The following SNED1 variants were observed in gnomAD, a reference collection of about 807,000 sequenced individuals.
SNED1 encodes the protein sushi, nidogen and EGF like domains 1.
A neutral mutation model predicts 166.7 loss-of-function variants in SNED1; 81 were observed. The ratio of observed to expected loss-of-function variants is 0.49; its 90% CI spans 0.41 to 0.58. The LOEUF (loss-of-function observed/expected upper bound fraction) is 0.58. SNED1 is among the 20% of genes least tolerant of loss of function. The pLI is 0.00. For synonymous variants in SNED1, 762 were observed against 822.0 expected (o/e 0.93, Z 1.25); for missense variants, 1,604 against 2,000.2 (o/e 0.80, Z 3.78).
At chr2:241,065,173 G>T (rs1157130861) in intron 20 of SNED1, 126 bp from the exon 21 acceptor site, 1 of 1,011,664 alleles carries the variant, frequency 9.9e-7, no homozygotes, top group Non-Finnish European at 1.4e-6. Flanking sequence ...GGACAAAGAA[G>T]GACTCTGCCA....
intron 16 of SNED1, among the ~76,000 whole-genome samples, chr2:241,061,069 A>G (rs2062215913): frequency 6.6e-6 from 1 of 152,228 alleles, no homozygotes; most frequent in Admixed American, 6.5e-5. Flanking sequence ...TGACCATATG[A>G]AAATTAGAAC....
chr2:241,001,664 ATGC>A (rs1447696589), intron 1 of SNED1, among the ~76,000 whole-genome samples: 1 of 152,204 alleles, frequency 6.6e-6, no homozygotes, highest in Non-Finnish European at 1.5e-5. Flanking sequence ...TGTGGGGCTT[ATGC>A]AGGTGGAGTG....
At chr2:241,011,483 A>T (rs2060401001) in intron 1 of SNED1, among the ~76,000 whole-genome samples, 1 of 152,170 alleles carries the variant, frequency 6.6e-6, no homozygotes, top group Non-Finnish European at 1.5e-5. Flanking sequence ...CGAAGTCAGG[A>T]CGAGGGACTA....
Position 241,073,503 on chromosome 2 carries a change from C to T in SNED1, c.3916+139C>T. 8.3e-6 allele frequency: 6 copies of T among 726,628 alleles called. 1 individual carries two copies. The South Asian group carries it at 9.6e-5, about 12-fold the overall frequency. 45.0% of individuals were successfully genotyped at this position (726,628 alleles called of 1,614,324 possible). On this transcript the variant is annotated intron_variant, in intron 27 of 31. Transcript: ENST00000310397. The surrounding 1 kb of genome is among the most constrained non-coding windows in gnomAD (Gnocchi z 6.6). The stretch of plus-strand genomic sequence containing the variant: ...ACCTGAGGGGAGGCTGAGCACCAGG[C>T]ACCCCGGTGTGGGAAGATGGGGTGA...
chr2:241,072,167 CTG>C, intron 26 of SNED1: 1 of 657,500 alleles, frequency 1.5e-6, no homozygotes, highest in Non-Finnish European at 2.8e-6. Context: ...AGAAGCAGGT[CTG>C]AGACATTACA....
At position 241,053,218 on chromosome 2, in the gene SNED1, G is replaced by C; in HGVS notation, c.2149G>C (p.Gly717Arg). Residue 717 changes from glycine (G) to arginine (R), a missense_variant, in exon 16 of 32, where the codon GGC (glycine) becomes CGC (arginine). Coordinates refer to ENST00000310397, the MANE Select transcript of SNED1 (RefSeq NM_001080437.3). ...ATLRFNGTRL[G>R]AVALYACDRG... ...ACTGCGCTTCAACGGCACGCGGCTG[G>C]GCGCGGTGGCCCTGTATGCATGTGA... The C allele has an allele frequency of 1.2e-6, 2 of 1,609,514 alleles. No homozygotes were observed. The highest frequency in any genetic ancestry group is 1.7e-6 in the Non-Finnish European group (2 of 1,179,422).
At chr2:241,009,819 G>A (rs573774821) in intron 1 of SNED1, among the ~76,000 whole-genome samples, 67 of 125,916 alleles carry the variant, frequency 5.3e-4, no homozygotes, top group Admixed American at 3.9e-3. Flanking sequence ...CCCCGGAGGC[G>A]TCCCATGTGT....
Position 241,078,297 on chromosome 2 carries a change from C to G in SNED1, c.3917-3380C>G, listed in dbSNP as rs551869817. ...CCTCAGGAGGCTGAGGCAGGAGAAT[C>G]GCTTGAACCCGGGAGGTGGAGTTTG... On this transcript the variant is annotated intron_variant, in intron 27 of 31. Transcript: ENST00000310397. 7.5e-4 allele frequency among the ~76,000 whole-genome samples: 113 copies of G among 150,572 alleles called. 1 individual carries two copies. The Middle Eastern group carries it at 0.034, about 46-fold the overall frequency.
At chr2:241,035,414 G>C (rs959967980) in intron 4 of SNED1, 1 of 152,348 alleles carries the variant, frequency 6.6e-6, no homozygotes, top group Admixed American at 6.5e-5. Context: ...CAGAGCCATA[G>C]ATGGTAGCCT....
In SNED1 at chr2:241,082,317, C is replaced by T. The variant is rs558175262; in HGVS notation, c.4074C>T (p.Ser1358=). The change falls in exon 29 of 32, where the codon TCC becomes TCT. Residue 1358 remains serine (S), a synonymous_variant. Coordinates refer to ENST00000310397, the MANE Select transcript of SNED1 (RefSeq NM_001080437.3). ...KVSRPCTRLF[S]ETKAFPVWEG... is the part of the protein sequence containing the mutation. ...CCCGCCCCTGCACAAGGCTGTTCTC[C>T]GAGACAAAGGCCTTTCCAGTCTGGG... 23 of 1,613,488 alleles carry T rather than the reference C, an allele frequency of 1.4e-5. No homozygotes were observed. Among genetic ancestry groups the T allele is most frequent in the African/African-American group, 5.3e-5 (4 of 74,906 alleles).
intron 16 of SNED1, among the ~76,000 whole-genome samples, chr2:241,055,668 A>G (rs577974050): frequency 1.5e-4 from 23 of 152,288 alleles, no homozygotes; most frequent in Middle Eastern, 3.4e-3. Context: ...GGCAAGCACA[A>G]TGGATTGAAA....
In SNED1 at chr2:241,094,806, T is replaced by C. The variant is rs2064287531; in HGVS notation, c.*3170T>C. ...TCCTAGGATCTAGTTGATCCTAGAA[T>C]GCTACCAAGGAGACTTGAATTTTGG... On this transcript the variant is annotated 3_prime_UTR_variant, in exon 32 of 32. Coordinates refer to ENST00000310397, the MANE Select transcript of SNED1 (RefSeq NM_001080437.3). The surrounding 1 kb of genome is among the most constrained non-coding windows in gnomAD (Gnocchi z 4.3). The C allele has an allele frequency of 5.9e-6, 1 of 168,354 alleles. No homozygotes were observed. Among genetic ancestry groups the C allele is most frequent in the African/African-American group, 2.4e-5 (1 of 41,526 alleles). The allele number at this position is 168,354 out of a possible 1,614,324, so 10.4% of individuals were successfully genotyped here. A position where few individuals can be genotyped will look rare whatever the true frequency, so the allele number is the denominator to read the frequency against.
intron 27 of SNED1, among the ~76,000 whole-genome samples, chr2:241,077,078 C>CAAA (rs377757851): frequency 1.0e-4 from 12 of 114,552 alleles, no homozygotes; most frequent in South Asian, 5.8e-4. Flanking sequence ...GACTCCGTCT[C>CAAA]AAAAAAAAAA....
chr2:241,007,902 G>T (rs541359304), intron 1 of SNED1, among the ~76,000 whole-genome samples: 1 of 152,158 alleles, frequency 6.6e-6, no homozygotes, highest in African/African-American at 2.4e-5. Context: ...ACGGGCCTTC[G>T]TGCAGGCCTC....
At chr2:241,084,647 A>AATT (rs1215249781) in intron 29 of SNED1, among the ~76,000 whole-genome samples, 1 of 152,190 alleles carries the variant, frequency 6.6e-6, no homozygotes, top group Non-Finnish European at 1.5e-5. Flanking sequence ...TGCACTCAAA[A>AATT]ATTATCTTGT....
chr2:241,080,969 G>C (rs2063299769), intron 27 of SNED1, among the ~76,000 whole-genome samples: 1 of 152,242 alleles, frequency 6.6e-6, no homozygotes, highest in Non-Finnish European at 1.5e-5. Context: ...ACAGCCCTTG[G>C]ATCAGGGATC....
rs1190481254 is a variant in SNED1, at chr2:241,065,430, G to A, written c.2845G>A (p.Asp949Asn). The A allele has an allele frequency of 5.0e-6, 8 of 1,612,934 alleles. No homozygotes were observed. The highest frequency in any genetic ancestry group is 2.5e-6 in the Non-Finnish European group (3 of 1,179,868). The change falls in exon 21 of 32, where the codon GAC (aspartate) becomes AAC (asparagine). Residue 949 changes from aspartate to asparagine, a missense_variant. Physicochemically the swap from Asp to Asn is conservative, Grantham distance 23. Coordinates refer to ENST00000310397, the MANE Select transcript of SNED1 (RefSeq NM_001080437.3). Reference protein sequence around the residue: ...DGYAVTYVSSDGSYRRTDFVD... With the variant: ...DGYAVTYVSSNGSYRRTDFVD... ...CTACGCGGTCACCTACGTCTCCTCC[G>A]ACGGCTCCTACCGCCGCACAGACTT... is the stretch of plus-strand genomic sequence containing the variant.
chr2:241,004,816 A>G (rs1284076945), intron 1 of SNED1, among the ~76,000 whole-genome samples: 3 of 151,866 alleles, frequency 2.0e-5, no homozygotes, highest in Non-Finnish European at 2.9e-5. Flanking sequence ...TCTGCCTCCC[A>G]GGTTCAAGCA....
chr2:241,065,054 C>T (rs1345219982), intron 20 of SNED1, 97 bp downstream of exon 20: 19 of 991,598 alleles, frequency 1.9e-5, no homozygotes, highest in Non-Finnish European at 2.6e-5. Flanking sequence ...CTGGCCGCTG[C>T]TTGCCCAGGC....
Sources: gnomAD v4.1 joint callset for allele counts (sites outside exome capture counted in the v4.1 genomes callset) on GRCh38, gnomAD v4.1.1 for gene constraint, Gnocchi (gnomAD v3.1) non-coding constraint, MANE v1.5 for transcripts, NCBI Gene and HGNC (gene_info 2026-07-23, HGNC 2026-07-21) for gene names.